TYW1: variants seen among roughly 807,000 people sequenced by gnomAD.
TYW1 encodes tRNA-yW synthesizing protein 1 homolog.
A neutral mutation model predicts 96.2 loss-of-function variants in TYW1; 46 were observed. The observed-to-expected ratio is 0.48, with a 90% CI of 0.38 to 0.61. The LOEUF (loss-of-function observed/expected upper bound fraction) is 0.61. Ranked by LOEUF, TYW1 falls within the 20% of genes least tolerant of loss-of-function variation. The pLI is 0.00. For missense variants in TYW1, 684 were observed against 909.6 expected (o/e 0.75, Z 3.19); for synonymous variants, 274 against 323.0 (o/e 0.85, Z 1.63).
intron 13 of TYW1, among the ~76,000 whole-genome samples, chr7:67,160,083 T>A (rs1799115177): frequency 6.6e-6 from 1 of 152,090 alleles, no homozygotes; most frequent in Non-Finnish European, 1.5e-5. Flanking sequence ...ATTACAGACA[T>A]GAGCCACCAC....
Position 67,083,674 on chromosome 7 carries a change from G to A in TYW1, c.1384+135G>A, listed in dbSNP as rs1661144226. 3.2e-6 allele frequency: 3 copies of A among 942,688 alleles called. No individual in the cohort carries two copies. In the African/African-American group the frequency reaches 5.0e-5, roughly 16 times the overall value. 58.4% of individuals were successfully genotyped at this position (942,688 alleles called of 1,614,324 possible). A position where few individuals can be genotyped will look rare whatever the true frequency, so the allele number is the denominator to read the frequency against. On this transcript the variant is annotated intron_variant, in intron 11 of 15. Transcript: ENST00000359626. ...CTCTAAGGAAGTGAAAACTTTGTAG[G>A]AATATTATATATATTTTGCCTTTTT...
At chr7:67,078,304 C>G (rs1796267965) in intron 10 of TYW1, among the ~76,000 whole-genome samples, 1 of 151,818 alleles carries the variant, frequency 6.6e-6, no homozygotes, top group Non-Finnish European at 1.5e-5. Flanking sequence ...ACTATGTTGG[C>G]CAGGCTGGTC....
chr7:67,208,487 C>T (rs1332740540), intron 15 of TYW1, among the ~76,000 whole-genome samples: 5 of 151,890 alleles, frequency 3.3e-5, no homozygotes, highest in East Asian at 1.9e-4. Context: ...GTCAGAAGTT[C>T]GAGACCAGCC....
At position 67,138,866 on chromosome 7, in the gene TYW1, C is replaced by A. The variant is rs551581967; in HGVS notation, c.1698+21248C>A. Among the ~76,000 whole-genome samples, 436 of 151,684 alleles carry A rather than the reference C, an allele frequency of 2.9e-3. 1 individual carries two copies. Among genetic ancestry groups the A allele is most frequent in the Non-Finnish European group, 4.8e-3 (328 of 67,932 alleles). Reference sequence around the variant, plus strand: ...TATATAAATACCACATTTTCTTTATCCATTCATCTGCCATTGGATACTTAG... The same window carrying A: ...TATATAAATACCACATTTTCTTTATACATTCATCTGCCATTGGATACTTAG... On this transcript the variant is annotated intron_variant, in intron 13 of 15. Transcript: ENST00000359626.
chr7:67,096,658 T>A (rs1214329360), intron 11 of TYW1, among the ~76,000 whole-genome samples: 1 of 151,950 alleles, frequency 6.6e-6, no homozygotes, highest in Non-Finnish European at 1.5e-5. Flanking sequence ...GGGGGTTTGT[T>A]GTACAGATTA....
At chr7:67,095,981 G>A (rs1209469706) in intron 11 of TYW1, among the ~76,000 whole-genome samples, 1 of 152,160 alleles carries the variant, frequency 6.6e-6, no homozygotes, top group Non-Finnish European at 1.5e-5. Context: ...GTTAATGAAC[G>A]TTTCTTGTGT....
intron 5 of TYW1, 51 bp downstream of exon 5, chr7:67,014,612 C>G (rs774165517): frequency 1.9e-6 from 3 of 1,560,830 alleles, no homozygotes; most frequent in Non-Finnish European, 2.6e-6. Context: ...AACACACACA[C>G]ACGCACACAC....
intron 10 of TYW1, among the ~76,000 whole-genome samples, chr7:67,078,849 C>A (rs544937284): frequency 3.9e-5 from 6 of 152,120 alleles, no homozygotes; most frequent in African/African-American, 7.2e-5. Flanking sequence ...CCTGCCACCA[C>A]GCCTGGCTAA....
In TYW1 at chr7:67,220,264, C is replaced by T. The variant is rs1188602451; in HGVS notation, c.1978-18044C>T. Among the ~76,000 whole-genome samples the T allele has an allele frequency of 2.8e-4, 37 of 132,470 alleles. No individual in the cohort carries two copies. The South Asian group carries it at 7.1e-3, about 26-fold the overall frequency. 86.9% of individuals were successfully genotyped at this position (132,470 alleles called of 152,430 possible). On this transcript the variant is annotated intron_variant, in intron 15 of 15. Coordinates refer to ENST00000359626, the MANE Select transcript of TYW1 (RefSeq NM_018264.4). Reference sequence around the variant, plus strand: ...TGTCACCCAGGCTGGAGTGCAGTGGCGCGATCTCAGCTCACTGCAAGCTCC... The same window carrying T: ...TGTCACCCAGGCTGGAGTGCAGTGGTGCGATCTCAGCTCACTGCAAGCTCC...
At chr7:67,037,817 T>A (rs895394110) in intron 7 of TYW1, among the ~76,000 whole-genome samples, 1 of 152,068 alleles carries the variant, frequency 6.6e-6, no homozygotes, top group African/African-American at 2.4e-5. Flanking sequence ...AAAAAAAATT[T>A]AAAAAATACT....
intron 9 of TYW1, among the ~76,000 whole-genome samples, chr7:67,066,033 CCACA>C (rs58644645): frequency 0.051 from 5,342 of 104,324 alleles, 140 homozygotes; most frequent in Middle Eastern, 0.12. Flanking sequence ...ACACACACAC[CCACA>C]CCCCTATACA....
At chr7:67,189,531 CATGTG>C (rs66746774) in intron 14 of TYW1, among the ~76,000 whole-genome samples, 43,731 of 151,784 alleles carry the variant, frequency 0.29, 6,920 homozygotes, top group African/African-American at 0.43. Flanking sequence ...ACTAGAGTCT[CATGTG>C]GGGTGAGAGG....
chr7:67,011,587 A>G (rs1793798865), intron 4 of TYW1, among the ~76,000 whole-genome samples: 1 of 152,074 alleles, frequency 6.6e-6, no homozygotes, highest in Non-Finnish European at 1.5e-5. Context: ...TTAGAGAAGC[A>G]GAGGCTGGGT....
intron 11 of TYW1, among the ~76,000 whole-genome samples, chr7:67,088,770 A>G (rs1328490520): frequency 6.6e-6 from 1 of 152,106 alleles, no homozygotes; most frequent in Middle Eastern, 3.4e-3. Context: ...GGGTCTCACT[A>G]TGTTGCCCAG....
chr7:67,192,215 G>T (rs1309933605), intron 14 of TYW1, among the ~76,000 whole-genome samples: 1 of 152,026 alleles, frequency 6.6e-6, no homozygotes, highest in Admixed American at 6.6e-5. Flanking sequence ...GGTTTTGTCT[G>T]GCAAAAATGA....
rs1339540910 is a variant in TYW1 at position 67,014,480 on chromosome 7, A to G, written c.489A>G (p.Arg163=). The G allele has an allele frequency of 4.3e-6, 7 of 1,613,810 alleles. No homozygotes were observed. The highest frequency in any genetic ancestry group is 4.0e-5 in the African/African-American group (3 of 74,906). ...KWLEEASIDF[R]FGKTYLKGMR... ...TAGAGGAAGCATCCATTGATTTTCGATTTGGCAAAACTTACCTGAAGGGTA... is the reference window on the plus strand; with the variant it reads ...TAGAGGAAGCATCCATTGATTTTCGGTTTGGCAAAACTTACCTGAAGGGTA... The change falls in exon 5 of 16, where the codon CGA becomes CGG. Residue 163 remains arginine (R), a synonymous_variant. Transcript: ENST00000359626.
At position 67,145,780 on chromosome 7, in the gene TYW1, G is replaced by A. The variant is rs142247823; in HGVS notation, c.1698+28162G>A. Reference sequence around the variant, plus strand: ...TTTGTTTGGGGTTTTTTTGAGACAGGGTTTTGCTCTGTTGCCCAGGCTGGA... The same window carrying A: ...TTTGTTTGGGGTTTTTTTGAGACAGAGTTTTGCTCTGTTGCCCAGGCTGGA... On this transcript the variant is annotated intron_variant, in intron 13 of 15. Coordinates refer to ENST00000359626, the MANE Select transcript of TYW1 (RefSeq NM_018264.4). Among the ~76,000 whole-genome samples, 1,462 of 152,042 alleles carry A rather than the reference G, an allele frequency of 9.6e-3. 17 individuals are homozygous for A. The highest frequency in any genetic ancestry group is 0.017 in the Non-Finnish European group (1,130 of 67,968).
At chr7:67,184,225 G>C (rs541188023) in intron 14 of TYW1, among the ~76,000 whole-genome samples, 1 of 152,044 alleles carries the variant, frequency 6.6e-6, no homozygotes, top group Non-Finnish European at 1.5e-5. Context: ...TTTCCTCTTA[G>C]AAATCACTTT....
chr7:67,103,812 C>T lies in TYW1; in HGVS notation c.1562+5094C>T, dbSNP rs1300554224. On this transcript the variant is annotated intron_variant, in intron 12 of 15. Transcript: ENST00000359626. ...CAGCAAGTCAGCTCATACAGCAAGT[C>T]AACAAGTTCAGCTATTTGCTGAGCC... Among the ~76,000 whole-genome samples the T allele has an allele frequency of 2.0e-5, 3 of 152,142 alleles. No homozygotes were observed. In the South Asian group the frequency reaches 6.2e-4, roughly 32 times the overall value.
Sources: allele counts gnomAD v4.1 joint callset (sites outside exome capture counted in the v4.1 genomes callset), GRCh38; gene constraint gnomAD v4.1.1; transcripts MANE v1.5; gene names NCBI Gene and HGNC (gene_info 2026-07-23, HGNC 2026-07-21).